NTRK1: variants seen among roughly 807,000 people sequenced by gnomAD.
NTRK1 encodes the protein high affinity nerve growth factor receptor.
NTRK1 carries 62 observed loss-of-function variants against 86.8 expected under a neutral mutation model. That is an observed-to-expected ratio of 0.71 (90% CI 0.58 to 0.88). The LOEUF (loss-of-function observed/expected upper bound fraction) is 0.88. Ranked by LOEUF, NTRK1 falls within the 40% of genes least tolerant of loss-of-function variation. The pLI is 0.00. For missense variants in NTRK1, 967 were observed against 1,078.4 expected, an observed-to-expected ratio of 0.90 and a Z score of 1.45; for synonymous variants, 469 against 456.6, an observed-to-expected ratio of 1.03 and a Z score of -0.35.
At position 156,874,393 on chromosome 1, in the gene NTRK1, G is replaced by C. The variant is rs1558104691; in HGVS notation, c.1188G>C (p.Ser396=). Residue 396 remains serine (S), a synonymous_variant, in exon 9 of 17, where the codon TCG becomes TCC. Transcript: ENST00000524377. ...TCCCTCCTGCTGCAGTCTCCTTCTC[G>C]CCGGTGGGTGAGTAGCCCAAGGTGG... ...NPEDPIPVSF[S]PVDTNSTSGD... 6.2e-7 allele frequency: 1 copy of C among 1,613,966 alleles called. No homozygotes were observed.
chr1:156,855,216 T>C (rs28626022), intron 2 of NTRK1, among the ~76,000 whole-genome samples: 1 of 13,432 alleles, frequency 7.4e-5, no homozygotes, highest in African/African-American at 2.0e-4. Flanking sequence ...ATCTATTTAT[T>C]TATTTGATAT....
chr1:156,864,688 G>A (rs1314293718), intron 2 of NTRK1, 40 bp from the exon 3 acceptor site: 2 of 1,607,448 alleles, frequency 1.2e-6, no homozygotes, highest in Non-Finnish European at 8.5e-7. Context: ...GCCCAGAGTA[G>A]CTGAGACCTG....
At chr1:156,844,151 G>A in intron 2 of NTRK1, 1 of 1,547,684 alleles carries the variant, frequency 6.5e-7, no homozygotes, top group Non-Finnish European at 8.9e-7. Flanking sequence ...AAAGGGGGTG[G>A]GGACCGGTGG....
At chr1:156,840,596 C>T (rs1383397376) in intron 1 of NTRK1, 1 of 497,492 alleles carries the variant, frequency 2.0e-6, no homozygotes, top group Non-Finnish European at 3.7e-6. Context: ...AGTGGGGTCC[C>T]TACCTCTGAG....
At chr1:156,875,809 G>C in intron 12 of NTRK1, 143 bp downstream of exon 12, 1 of 1,290,342 alleles carries the variant, frequency 7.7e-7, no homozygotes, top group Non-Finnish European at 1.1e-6. Context: ...CATAGGCCCT[G>C]TCATATTCTT....
At chr1:156,850,534 CTTTT>C (rs35237064) in intron 2 of NTRK1, among the ~76,000 whole-genome samples, 21 of 58,604 alleles carry the variant, frequency 3.6e-4, no homozygotes, top group Non-Finnish European at 6.0e-4. Context: ...TTAAAACATT[CTTTT>C]TTTTTTTTTT....
chr1:156,818,339 T>A (rs1654079880), intron 1 of NTRK1, among the ~76,000 whole-genome samples: 2 of 152,236 alleles, frequency 1.3e-5, no homozygotes, highest in African/African-American at 4.8e-5. Context: ...AAACATGCTC[T>A]AAATTTTTAA....
chr1:156,875,777 C>T (rs1405930525), intron 12 of NTRK1, 111 bp downstream of exon 12: 30 of 1,436,154 alleles, frequency 2.1e-5, no homozygotes, highest in Non-Finnish European at 2.8e-5. Context: ...TTTCTCCCAC[C>T]CCTCCCCAGC....
intron 3 of NTRK1, among the ~76,000 whole-genome samples, chr1:156,865,994 C>A (rs1407019376): frequency 6.6e-6 from 1 of 152,242 alleles, no homozygotes; most frequent in Non-Finnish European, 1.5e-5. Flanking sequence ...TCTTCACAAT[C>A]AACCTGGTGA....
intron 2 of NTRK1, chr1:156,851,938 CT>C: frequency 4.4e-6 from 7 of 1,604,008 alleles, no homozygotes; most frequent in Non-Finnish European, 6.0e-6. Context: ...GGCAACTGCC[CT>C]GGTGTATGCC....
chr1:156,879,896 C>A, intron 15 of NTRK1, 103 bp from the exon 16 acceptor site: 2 of 1,473,048 alleles, frequency 1.4e-6, no homozygotes, highest in Non-Finnish European at 1.9e-6. Context: ...GCGTGAACCA[C>A]CGAGCTTGTG....
At chr1:156,816,941 T>A in intron 1 of NTRK1, 1 of 407,842 alleles carries the variant, frequency 2.5e-6, no homozygotes, top group Non-Finnish European at 4.4e-6. Flanking sequence ...CGGTGGGGGG[T>A]ATCTGTGTCA....
Position 156,854,459 on chromosome 1 carries a change from G to A in NTRK1, c.51-9895G>A, listed in dbSNP as rs74118780. Among the ~76,000 whole-genome samples, 815 of 152,224 alleles carry A rather than the reference G, an allele frequency of 5.4e-3. 8 individuals are homozygous for A. Among genetic ancestry groups the A allele is most frequent in the African/African-American group, 0.019 (787 of 41,530 alleles). On this transcript the variant is annotated intron_variant, in intron 2 of 16. Transcript: ENST00000392302. This position sits in a 1 kb window ranked among gnomAD's most constrained non-coding sequence, Gnocchi z 4.2. Reference sequence around the variant, plus strand: ...TGGGGTGGCCTCCTTCCTGGGCCCCGGAGGGCTCACCTGCAGCCTGCAGGG... The same window carrying A: ...TGGGGTGGCCTCCTTCCTGGGCCCCAGAGGGCTCACCTGCAGCCTGCAGGG...
upstream of NTRK1, among the ~76,000 whole-genome samples, chr1:156,857,560 C>A (rs1199001512): frequency 6.6e-6 from 1 of 152,186 alleles, no homozygotes; most frequent in East Asian, 1.9e-4. Context: ...ATCTGCTGTG[C>A]AGAAGAGGAG....
intron 4 of NTRK1, 149 bp from the exon 5 acceptor site, chr1:156,867,955 C>A: frequency 1.1e-6 from 1 of 875,720 alleles, no homozygotes; most frequent in Non-Finnish European, 1.9e-6. Context: ...CTTTGAATAA[C>A]ATCCTGTTAC....
chr1:156,867,468 ACT>A (rs1655990775), intron 4 of NTRK1, among the ~76,000 whole-genome samples: 1 of 151,704 alleles, frequency 6.6e-6, no homozygotes, highest in Admixed American at 6.6e-5. Context: ...CTTGTCTTCC[ACT>A]TTCTGCATTA....
chr1:156,824,458 T>C (rs1490094885), intron 1 of NTRK1, among the ~76,000 whole-genome samples: 2 of 152,212 alleles, frequency 1.3e-5, no homozygotes, highest in South Asian at 4.1e-4. Flanking sequence ...GGCCACCACC[T>C]GCTCATGCAA....
At position 156,879,111 on chromosome 1, in the gene NTRK1, C is replaced by T. The variant is rs771436441; in HGVS notation, c.1806-11C>T. 1.2e-6 allele frequency: 2 copies of T among 1,612,058 alleles called. No individual in the cohort carries two copies. Among genetic ancestry groups the T allele is most frequent in the Non-Finnish European group, 1.7e-6 (2 of 1,179,680 alleles). ...CTCCCAGCCTATCCCCTCTCCTTTT[C>T]TTGTTCACAGATCCCATGGACCTGA... On this transcript the variant is annotated splice_polypyrimidine_tract_variant and intron_variant, in intron 14 of 16. Coordinates refer to ENST00000524377, the MANE Select transcript of NTRK1 (RefSeq NM_002529.4).
chr1:156,840,571 C>T (rs1654735314), intron 1 of NTRK1: 4 of 433,512 alleles, frequency 9.2e-6, no homozygotes, highest in Non-Finnish European at 1.7e-5. Context: ...GGGCGGGCCC[C>T]CTCTTCCTAG....
Sources: allele counts gnomAD v4.1 joint callset (sites outside exome capture counted in the v4.1 genomes callset), GRCh38; gene constraint gnomAD v4.1.1; non-coding constraint Gnocchi (gnomAD v3.1); transcripts MANE v1.5; gene names NCBI Gene and HGNC (gene_info 2026-07-23, HGNC 2026-07-21).